Variants in OXCT1 observed in about 807,000 individuals in gnomAD.
OXCT1 encodes 3-oxoacid CoA-transferase 1, also known as succinyl-CoA:3-ketoacid coenzyme A transferase 1, mitochondrial.
In OXCT1, 27 loss-of-function variants were observed where a neutral mutation model predicts 69.6. The ratio of observed to expected loss-of-function variants is 0.39; its 90% confidence interval spans 0.29 to 0.54. The LOEUF (loss-of-function observed/expected upper bound fraction) is 0.54. OXCT1 is among the 20% of genes least tolerant of loss of function. The pLI is 0.72. For missense variants in OXCT1, 437 were observed against 650.2 expected, an observed-to-expected ratio of 0.67 and a Z score of 3.57; for synonymous variants, 202 against 217.8, an observed-to-expected ratio of 0.93 and a Z score of 0.64.
chr5:41,793,901 T>C, intron 13 of OXCT1, 102 bp downstream of exon 13: 1 of 763,570 alleles, frequency 1.3e-6, no homozygotes, highest in East Asian at 2.7e-5. Flanking sequence ...TATTAAAATA[T>C]TTCATTTTTA....
At chr5:41,789,927 C>A (rs761610372) in intron 13 of OXCT1, among the ~76,000 whole-genome samples, 29 of 152,176 alleles carry the variant, frequency 1.9e-4, no homozygotes, top group Non-Finnish European at 4.0e-4. Flanking sequence ...TTATTTAAAA[C>A]AGGTAGCATG....
At chr5:41,793,137 C>CA (rs1178044136) in intron 13 of OXCT1, among the ~76,000 whole-genome samples, 4 of 152,174 alleles carry the variant, frequency 2.6e-5, no homozygotes, top group Non-Finnish European at 5.9e-5. Flanking sequence ...CCACCTTCCT[C>CA]AAAAAATTAT....
chr5:41,829,732 C>A (rs1293595172), intron 7 of OXCT1, among the ~76,000 whole-genome samples: 1 of 152,104 alleles, frequency 6.6e-6, no homozygotes, highest in Non-Finnish European at 1.5e-5. Context: ...TAAGTTAATA[C>A]TAGGCATTCA....
chr5:41,782,992 C>T (rs1579727133), intron 13 of OXCT1, among the ~76,000 whole-genome samples: 1 of 152,238 alleles, frequency 6.6e-6, no homozygotes, highest in Middle Eastern at 3.4e-3. Flanking sequence ...TCCTTAATTC[C>T]TTACTGTTAG....
At chr5:41,820,370 C>T (rs754056105) in intron 7 of OXCT1, among the ~76,000 whole-genome samples, 4 of 151,986 alleles carry the variant, frequency 2.6e-5, no homozygotes, top group African/African-American at 4.8e-5. Flanking sequence ...CTTTCCAAAA[C>T]CTTAAAATGT....
chr5:41,819,658 CCTT>C (rs1031105430), intron 7 of OXCT1, among the ~76,000 whole-genome samples: 21 of 151,866 alleles, frequency 1.4e-4, no homozygotes, highest in African/African-American at 5.1e-4. Context: ...GCGTGAGCCA[CCTT>C]CTTTTTTTTT....
At chr5:41,842,491 G>A (rs906733275) in intron 6 of OXCT1, among the ~76,000 whole-genome samples, 184 bp downstream of exon 6, 2 of 152,170 alleles carry the variant, frequency 1.3e-5, no homozygotes, top group Non-Finnish European at 2.9e-5. Flanking sequence ...ATATCGACCA[G>A]TCTAAACAGA....
At chr5:41,867,722 G>T (rs956531306) in intron 1 of OXCT1, among the ~76,000 whole-genome samples, 10 of 152,208 alleles carry the variant, frequency 6.6e-5, no homozygotes, top group Non-Finnish European at 1.5e-5. Context: ...TTCACCAGTT[G>T]CACCAGAAGG....
chr5:41,828,234 A>T (rs906471438), intron 7 of OXCT1, among the ~76,000 whole-genome samples: 5 of 151,478 alleles, frequency 3.3e-5, no homozygotes, highest in Non-Finnish European at 7.4e-5. Context: ...CAGCCTCCCG[A>T]GTAGCTGGGA....
chr5:41,810,443 T>G (rs578149961), intron 7 of OXCT1, among the ~76,000 whole-genome samples: 20 of 151,982 alleles, frequency 1.3e-4, no homozygotes, highest in African/African-American at 4.6e-4. Context: ...GGAAGAGAGG[T>G]AGCTAAGAAC....
intron 3 of OXCT1, among the ~76,000 whole-genome samples, chr5:41,858,385 T>C (rs2112462993): frequency 6.6e-6 from 1 of 152,298 alleles, no homozygotes; most frequent in South Asian, 2.1e-4. Context: ...GGGGAACATA[T>C]CATTTCTAAT....
At chr5:41,836,534 TA>T (rs1051269195) in intron 7 of OXCT1, among the ~76,000 whole-genome samples, 3 of 152,192 alleles carry the variant, frequency 2.0e-5, no homozygotes, top group African/African-American at 7.2e-5. Context: ...TGGCTGGTAC[TA>T]GGGATCAGTT....
chr5:41,780,629 G>C (rs1005422757), intron 13 of OXCT1, among the ~76,000 whole-genome samples: 4 of 152,040 alleles, frequency 2.6e-5, no homozygotes, highest in African/African-American at 9.7e-5. Flanking sequence ...AGAAAATTTA[G>C]TAAAATGAAT....
chr5:41,774,305 C>T (rs1440576561), intron 13 of OXCT1, among the ~76,000 whole-genome samples: 1 of 152,114 alleles, frequency 6.6e-6, no homozygotes, highest in Non-Finnish European at 1.5e-5. Context: ...AATATGTGTG[C>T]ATATATTACA....
intron 7 of OXCT1, among the ~76,000 whole-genome samples, chr5:41,810,550 T>C (rs1746925001): frequency 6.6e-6 from 1 of 152,060 alleles, no homozygotes; most frequent in Non-Finnish European, 1.5e-5. Flanking sequence ...AATTGGTACT[T>C]GTCTTTAGTC....
In OXCT1 at chr5:41,842,759, T is replaced by C; in HGVS notation, c.587A>G (p.His196Arg). The C allele has an allele frequency of 6.2e-7, 1 of 1,613,330 alleles. No homozygotes were observed. Among genetic ancestry groups the C allele is most frequent in the South Asian group, 1.1e-5 (1 of 91,064 alleles). Residue 196 changes from histidine (H) to arginine (R), a missense_variant, in exon 6 of 17, where the codon CAC (histidine) becomes CGC (arginine). By Grantham distance (29) the His-to-Arg change is conservative. Coordinates refer to ENST00000196371, the MANE Select transcript of OXCT1 (RefSeq NM_000436.4). The part of the protein sequence containing the change: ...PREVREFNGQ[H>R]FILEEAITGD... ...TGTAATTGCTTCCTCCAAAATAAAG[T>C]GCTGACCATTGAACTCCCTCACCTG...
chr5:41,770,371 A>G (rs182665544), intron 13 of OXCT1, among the ~76,000 whole-genome samples: 133 of 152,326 alleles, frequency 8.7e-4, no homozygotes, highest in Non-Finnish European at 1.4e-3. Flanking sequence ...GTCCTTCAAA[A>G]TTGACCCTAC....
intron 1 of OXCT1, among the ~76,000 whole-genome samples, chr5:41,863,764 G>C (rs1304937463): frequency 6.6e-6 from 1 of 152,184 alleles, no homozygotes; most frequent in African/African-American, 2.4e-5. Flanking sequence ...TAATCAACAA[G>C]TATTTACTGT....
At chr5:41,839,834 C>A (rs1383093140) in intron 7 of OXCT1, among the ~76,000 whole-genome samples, 1 of 152,160 alleles carries the variant, frequency 6.6e-6, no homozygotes, top group Non-Finnish European at 1.5e-5. Flanking sequence ...ATCCTCAAAG[C>A]CTCAAGTTAA....
Sources: gnomAD v4.1 joint callset for allele counts (sites outside exome capture counted in the v4.1 genomes callset) on GRCh38, gnomAD v4.1.1 for gene constraint, MANE v1.5 for transcripts, NCBI Gene and HGNC (gene_info 2026-07-23, HGNC 2026-07-21) for gene names.